The following ATP13A4 variants were observed in gnomAD, a reference collection of about 807,000 sequenced individuals.
The protein encoded by ATP13A4 is probable cation-transporting ATPase 13A4.
In ATP13A4, 114 loss-of-function variants were observed where a neutral mutation model predicts 142.5. That is an observed-to-expected ratio of 0.80 (90% CI 0.69 to 0.93). The LOEUF is 0.93. ATP13A4 is among the 40% of genes least tolerant of loss of function. The pLI is 0.00. For missense variants in ATP13A4, 1,392 were observed against 1,454.0 expected (o/e 0.96, Z 0.69); for synonymous variants, 488 against 514.8 (o/e 0.95, Z 0.70).
At chr3:193,425,562 A>C (rs529168001) in intron 25 of ATP13A4, among the ~76,000 whole-genome samples, 2 of 151,836 alleles carry the variant, frequency 1.3e-5, no homozygotes, top group Non-Finnish European at 3.0e-5. Context: ...TTGCAACAAC[A>C]TAGATGAAGC....
intron 2 of ATP13A4, among the ~76,000 whole-genome samples, chr3:193,580,333 T>C (rs1377427736): frequency 6.6e-6 from 1 of 152,170 alleles, no homozygotes; most frequent in African/African-American, 2.4e-5. Context: ...ACCAGGATTA[T>C]AGCAGTTGTA....
Position 193,466,162 on chromosome 3 carries a change from CT to C in ATP13A4, c.1134del (p.Asp379ThrfsTer3). ...VLQTGFNTAK[G>X]DLVRSILYPK... The stretch of plus-strand genomic sequence containing the variant: ...GGGTAGAGAATGGATCTCACAAGGT[CT>C]CCCTTTGCAGTGTTGAATCCTGGAA... On this transcript the variant is annotated frameshift_variant, in exon 11 of 30. Coordinates refer to ENST00000342695, the MANE Select transcript of ATP13A4 (RefSeq NM_032279.4). LOFTEE classifies it high-confidence loss of function. The C allele has an allele frequency of 6.2e-7, 1 of 1,613,992 alleles. No homozygotes were observed. Among genetic ancestry groups the C allele is most frequent in the Middle Eastern group, 1.7e-4 (1 of 6,050 alleles).
intron 27 of ATP13A4, among the ~76,000 whole-genome samples, chr3:193,411,318 A>C (rs970413291): frequency 1.2e-4 from 18 of 152,216 alleles, no homozygotes; most frequent in Non-Finnish European, 7.4e-5. Flanking sequence ...GTAGATATAC[A>C]TAGGGTAACA....
At position 193,546,063 on chromosome 3, in the gene ATP13A4, C is replaced by T. The variant is rs115274396; in HGVS notation, c.60+8677G>A. Among the ~76,000 whole-genome samples the T allele has an allele frequency of 5.9e-3, 889 of 150,732 alleles. 9 individuals are homozygous for T. The highest frequency in any genetic ancestry group is 0.021 in the African/African-American group (854 of 40,916). On this transcript the variant is annotated intron_variant, in intron 1 of 29. Coordinates refer to ENST00000342695, the MANE Select transcript of ATP13A4 (RefSeq NM_032279.4). ...CCAAGAAATCATCTGTATTGAGCCTCGGTTCAATCCAGTAAGGTATTATTA... is the reference window on the plus strand; with the variant it reads ...CCAAGAAATCATCTGTATTGAGCCTTGGTTCAATCCAGTAAGGTATTATTA...
chr3:193,571,429 C>T (rs1319449682), intron 2 of ATP13A4, among the ~76,000 whole-genome samples: 1 of 152,184 alleles, frequency 6.6e-6, no homozygotes, highest in East Asian at 1.9e-4. Context: ...TAACTATTCA[C>T]TCCTTAACAT....
In ATP13A4 at chr3:193,414,589, C is replaced by G. The variant is rs2108605252; in HGVS notation, c.3004G>C (p.Glu1002Gln). The change falls in exon 26 of 30, where the codon GAG (glutamate) becomes CAG (glutamine). Residue 1002 changes from glutamate to glutamine, a missense_variant. By Grantham distance (29) the Glu-to-Gln change is conservative. Transcript: ENST00000342695. Reference protein sequence around the residue: ...LVQRQPWYSVEIHSACTVQNE... With the variant: ...LVQRQPWYSVQIHSACTVQNE... ...AGACTATACTCATACCTGTGTATCTCCACGGAATACCAAGGCTGCCTCTGA... is the reference window on the plus strand; with the variant it reads ...AGACTATACTCATACCTGTGTATCTGCACGGAATACCAAGGCTGCCTCTGA... The G allele has an allele frequency of 1.2e-6, 2 of 1,613,914 alleles. No homozygotes were observed. Among genetic ancestry groups the G allele is most frequent in the South Asian group, 1.1e-5 (1 of 91,072 alleles).
chr3:193,473,611 A>T (rs944802403), intron 8 of ATP13A4, among the ~76,000 whole-genome samples: 1 of 152,242 alleles, frequency 6.6e-6, no homozygotes, highest in Non-Finnish European at 1.5e-5. Flanking sequence ...AACCTGGCAG[A>T]TACCATTTAA....
intron 1 of ATP13A4, among the ~76,000 whole-genome samples, chr3:193,585,641 T>G (rs534551713): frequency 3.3e-5 from 5 of 152,284 alleles, no homozygotes; most frequent in East Asian, 1.9e-4. Flanking sequence ...GTTCAGCGCG[T>G]CTGTTAGATT....
In ATP13A4 at chr3:193,448,267, T is replaced by C; in HGVS notation, c.2091A>G (p.Glu697=). 6 of 1,614,222 alleles carry C rather than the reference T, an allele frequency of 3.7e-6. No homozygotes were observed. Among genetic ancestry groups the C allele is most frequent in the Non-Finnish European group, 5.1e-6 (6 of 1,180,026 alleles). The change falls in exon 18 of 30, where the codon GAA becomes GAG. Residue 697 remains glutamate, a synonymous_variant. Transcript: ENST00000342695. ...GLLILENRLK[E]ETKPVLEELI... ...GCTCTTCCAAGACAGGTTTTGTCTCTTCCTTCAATCGATTCTCCAAGATCA... is the reference window on the plus strand; with the variant it reads ...GCTCTTCCAAGACAGGTTTTGTCTCCTCCTTCAATCGATTCTCCAAGATCA...
At chr3:193,516,550 C>T (rs761891305) in intron 1 of ATP13A4, among the ~76,000 whole-genome samples, 6 of 152,206 alleles carry the variant, frequency 3.9e-5, no homozygotes, top group Non-Finnish European at 8.8e-5. Context: ...GAGCAGTGCC[C>T]TAGTCTTAAT....
chr3:193,422,598 T>C (rs1357129834), intron 25 of ATP13A4, among the ~76,000 whole-genome samples: 1 of 149,562 alleles, frequency 6.7e-6, no homozygotes, highest in Non-Finnish European at 1.5e-5. Flanking sequence ...TATACAAATA[T>C]ATGGTAATTA....
upstream of ATP13A4, among the ~76,000 whole-genome samples, chr3:193,555,641 G>A (rs1723858058): frequency 6.6e-6 from 1 of 152,200 alleles, no homozygotes; most frequent in Admixed American, 6.5e-5. Context: ...AACAGTGCCT[G>A]AGCACAGGGA....
chr3:193,491,475 T>C, intron 5 of ATP13A4, 77 bp from the exon 6 acceptor site: 1 of 1,060,388 alleles, frequency 9.4e-7, no homozygotes, highest in Non-Finnish European at 1.5e-6. Context: ...CAGAAAAAGG[T>C]CTATTCCATG....
intron 2 of ATP13A4, among the ~76,000 whole-genome samples, chr3:193,570,078 T>C (rs1310660816): frequency 6.6e-6 from 1 of 152,126 alleles, no homozygotes; most frequent in Non-Finnish European, 1.5e-5. Context: ...GGCAGGAGGA[T>C]CACTTGAGCC....
At chr3:193,580,543 A>T (rs1321029405) in intron 2 of ATP13A4, among the ~76,000 whole-genome samples, 2 of 152,224 alleles carry the variant, frequency 1.3e-5, no homozygotes, top group African/African-American at 4.8e-5. Flanking sequence ...TAGTATACGT[A>T]CTACTAAGAA....
intron 25 of ATP13A4, among the ~76,000 whole-genome samples, chr3:193,428,360 A>C (rs1374815993): frequency 6.6e-6 from 1 of 152,158 alleles, no homozygotes; most frequent in African/African-American, 2.4e-5. Flanking sequence ...AAACTGGTTC[A>C]ACCATTGTGG....
Position 193,466,048 on chromosome 3 carries a change from G to C in ATP13A4, c.1249C>G (p.Leu417Val), listed in dbSNP as rs1265842691. Residue 417 changes from leucine to valine, a missense_variant, in exon 11 of 30, where the codon CTG becomes GTG. Transcript: ENST00000342695. The part of the protein sequence containing the change: ...GTATIGMIYT[L>V]CVYVLSGEPP... ...ACCCCACTAAGCACATAGACACACA[G>C]AGTATAGATCATCCCAATGGTGGCT... The C allele has an allele frequency of 6.2e-7, 1 of 1,614,022 alleles. No individual in the cohort carries two copies. The highest frequency in any genetic ancestry group is 1.3e-5 in the African/African-American group (1 of 74,920).
chr3:193,417,982 C>T lies in ATP13A4; in HGVS notation c.2843-3232G>A, dbSNP rs368635598. Among the ~76,000 whole-genome samples, 42 of 145,576 alleles carry T rather than the reference C, an allele frequency of 2.9e-4. 2 individuals carry two copies. Among genetic ancestry groups the T allele is most frequent in the East Asian group, 2.0e-3 (9 of 4,568 alleles). ...CTAAAAATACAAAAAATTAGCCGGG[C>T]GTAGTGGCGGGCGCCTGTAGTCCCA... On this transcript the variant is annotated intron_variant, in intron 25 of 29. Coordinates refer to ENST00000342695, the MANE Select transcript of ATP13A4 (RefSeq NM_032279.4).
At chr3:193,413,069 A>G (rs1714855637) in intron 26 of ATP13A4, among the ~76,000 whole-genome samples, 1 of 152,192 alleles carries the variant, frequency 6.6e-6, no homozygotes, top group Non-Finnish European at 1.5e-5. Context: ...GGGACTTTGA[A>G]CAGAGGGACT....
Sources: gnomAD v4.1 joint callset for allele counts (sites outside exome capture counted in the v4.1 genomes callset) on GRCh38, gnomAD v4.1.1 for gene constraint, MANE v1.5 for transcripts, NCBI Gene and HGNC (gene_info 2026-07-23, HGNC 2026-07-21) for gene names.